The following ROBO2 variants were observed in gnomAD, a reference collection of about 807,000 sequenced individuals.
ROBO2 encodes roundabout homolog 2.
A neutral mutation model predicts 160.8 loss-of-function variants in ROBO2; 53 were observed. The ratio of observed to expected loss-of-function variants is 0.33; its 90% confidence interval spans 0.26 to 0.41. ROBO2 has a LOEUF of 0.41. Ranked by LOEUF, ROBO2 falls within the 10% of genes least tolerant of loss-of-function variation. The pLI, the probability that ROBO2 is intolerant of heterozygous loss-of-function variation, is 1.00. For synonymous variants in ROBO2, 664 were observed against 611.7 expected (o/e 1.09, Z -1.26); for missense variants, 1,577 against 1,722.4 (o/e 0.92, Z 1.49).
chr3:76,526,342 T>C (rs925672244), intron 2 of ROBO2, among the ~76,000 whole-genome samples: 21 of 152,100 alleles, frequency 1.4e-4, no homozygotes, highest in Admixed American at 1.3e-4. Context: ...ACCCCTTTAA[T>C]TAAGTTTAGC....
chr3:76,760,174 A>G (rs2061221721), intron 2 of ROBO2, among the ~76,000 whole-genome samples: 1 of 151,864 alleles, frequency 6.6e-6, no homozygotes, highest in African/African-American at 2.4e-5. Flanking sequence ...GATGTAGGTA[A>G]TATGATTCTA....
intron 2 of ROBO2, among the ~76,000 whole-genome samples, chr3:76,061,487 G>T (rs927087094): frequency 1.3e-5 from 2 of 152,084 alleles, no homozygotes; most frequent in Non-Finnish European, 2.9e-5. Context: ...AATATTGCTT[G>T]CTTGTATTTT....
chr3:76,942,768 G>A (rs2078276477), intron 2 of ROBO2, among the ~76,000 whole-genome samples: 2 of 151,952 alleles, frequency 1.3e-5, no homozygotes, highest in African/African-American at 4.8e-5. Context: ...CTCCATTTCA[G>A]TTCCCTTAAC....
At chr3:77,183,146 A>C (rs1230740478) in intron 2 of ROBO2, among the ~76,000 whole-genome samples, 1 of 152,072 alleles carries the variant, frequency 6.6e-6, no homozygotes, top group Admixed American at 6.6e-5. Flanking sequence ...AATAAAACAA[A>C]AAACAAAAAA....
intron 5 of ROBO2, among the ~76,000 whole-genome samples, chr3:77,505,555 A>T (rs1342450651): frequency 1.3e-5 from 2 of 152,074 alleles, no homozygotes; most frequent in Non-Finnish European, 2.9e-5. Flanking sequence ...ATTTAGTAGT[A>T]TTTTTTCTCT....
At chr3:76,024,016 A>G (rs956217712) in intron 2 of ROBO2, among the ~76,000 whole-genome samples, 2 of 151,654 alleles carry the variant, frequency 1.3e-5, no homozygotes, top group East Asian at 1.9e-4. Context: ...TATATATTTC[A>G]TAGGTTTTAT....
chr3:76,085,198 A>T (rs1244748933), intron 2 of ROBO2, among the ~76,000 whole-genome samples: 2 of 141,380 alleles, frequency 1.4e-5, no homozygotes, highest in Non-Finnish European at 3.0e-5. Context: ...GTATATAGAA[A>T]CATATCATTA....
intron 2 of ROBO2, among the ~76,000 whole-genome samples, chr3:76,286,472 T>TA (rs886585905): frequency 2.0e-5 from 3 of 152,010 alleles, no homozygotes; most frequent in South Asian, 4.2e-4. Context: ...TGAAGAATGA[T>TA]AAAAAAAGAG....
chr3:77,329,130 C>G (rs1191526491), intron 2 of ROBO2, among the ~76,000 whole-genome samples: 1 of 152,138 alleles, frequency 6.6e-6, no homozygotes, highest in East Asian at 1.9e-4. Flanking sequence ...AATTAATAGT[C>G]CAGTGTTGAT....
chr3:76,101,595 T>C (rs1355506503), intron 2 of ROBO2, among the ~76,000 whole-genome samples: 1 of 152,062 alleles, frequency 6.6e-6, no homozygotes, highest in Non-Finnish European at 1.5e-5. Flanking sequence ...ATGTGCACAA[T>C]GTGCAGGTTT....
At chr3:76,425,754 C>T (rs1175736562) in intron 2 of ROBO2, among the ~76,000 whole-genome samples, 2 of 151,904 alleles carry the variant, frequency 1.3e-5, no homozygotes, top group African/African-American at 2.4e-5. Context: ...CTATAACCCC[C>T]GAGAAATGAG....
intron 2 of ROBO2, among the ~76,000 whole-genome samples, chr3:76,042,595 C>G (rs778928781): frequency 4.6e-5 from 7 of 151,980 alleles, no homozygotes; most frequent in Non-Finnish European, 1.0e-4. Flanking sequence ...ATACTCAGTA[C>G]CTGTTTTAAG....
At chr3:76,501,913 T>C (rs1166972726) in intron 2 of ROBO2, among the ~76,000 whole-genome samples, 2 of 152,204 alleles carry the variant, frequency 1.3e-5, no homozygotes, top group African/African-American at 2.4e-5. Flanking sequence ...GTTATTTTTA[T>C]AGTTTCTGGA....
chr3:77,381,091 G>T (rs1338726136), intron 2 of ROBO2, among the ~76,000 whole-genome samples: 1 of 152,168 alleles, frequency 6.6e-6, no homozygotes, highest in Non-Finnish European at 1.5e-5. Context: ...CTAGGCGGGG[G>T]GATCACGAGG....
At chr3:76,520,641 C>G (rs2081560923) in intron 2 of ROBO2, among the ~76,000 whole-genome samples, 1 of 152,094 alleles carries the variant, frequency 6.6e-6, no homozygotes, top group African/African-American at 2.4e-5. Context: ...ATCTTTTAGT[C>G]CTGGTCTATA....
intron 2 of ROBO2, among the ~76,000 whole-genome samples, chr3:76,138,115 C>G (rs994512544): frequency 6.6e-6 from 1 of 151,862 alleles, no homozygotes; most frequent in Non-Finnish European, 1.5e-5. Context: ...AAGATAGAAA[C>G]GTTTTTAGTC....
chr3:76,115,325 C>T lies in ROBO2; in HGVS notation c.109+177723C>T, dbSNP rs149833671. Among the ~76,000 whole-genome samples the T allele has an allele frequency of 3.9e-4, 59 of 152,236 alleles. 1 individual carries two copies. The East Asian group carries it at 0.01, about 26-fold the overall frequency. On this transcript the variant is annotated intron_variant, in intron 2 of 26. Coordinates refer to the ROBO2 transcript ENST00000487694. ...ACAGCAGATATGATCCAATCAGATC[C>T]ACTTTGCGTAATACAATGAGTTATG...
At position 76,090,258 on chromosome 3, in the gene ROBO2, C is replaced by T. The variant is rs117054459; in HGVS notation, c.109+152656C>T. 7.0e-3 allele frequency among the ~76,000 whole-genome samples: 1,058 copies of T among 152,028 alleles called. 63 individuals are homozygous for T. The East Asian group carries it at 0.15, about 22-fold the overall frequency. ...GGCAGATCACCTGAGGTCAGGGGTT[C>T]GAGACCAGCCTGGCTGACATGGTGA... On this transcript the variant is annotated intron_variant, in intron 2 of 26. Transcript: ENST00000487694.
At chr3:76,776,165 AG>A (rs1214689502) in intron 2 of ROBO2, among the ~76,000 whole-genome samples, 9 of 151,006 alleles carry the variant, frequency 6.0e-5, no homozygotes, top group Non-Finnish European at 1.5e-5. Flanking sequence ...CCCAAAGAAA[AG>A]CATGCACATT....
Sources: allele counts gnomAD v4.1 joint callset (sites outside exome capture counted in the v4.1 genomes callset), GRCh38; gene constraint gnomAD v4.1.1; transcripts MANE v1.5; gene names NCBI Gene and HGNC (gene_info 2026-07-23, HGNC 2026-07-21).